Variants in RGL1 observed in about 807,000 individuals in gnomAD.
RGL1 encodes ral guanine nucleotide dissociation stimulator-like 1.
Under a neutral mutation model 95.2 loss-of-function variants are expected in RGL1, and 24 were observed. The ratio of observed to expected loss-of-function variants is 0.25; its 90% CI spans 0.18 to 0.35. RGL1 has a LOEUF of 0.35. Among genes scored for constraint, RGL1 ranks in the 10% least tolerant of loss-of-function variants. The probability of loss-of-function intolerance (pLI) is 1.00; values close to 1 mark genes in which losing one functional copy is unlikely to be tolerated. For missense variants in RGL1, 715 were observed against 936.3 expected, an observed-to-expected ratio of 0.76 and a Z score of 3.08; for synonymous variants, 329 against 344.9, an observed-to-expected ratio of 0.95 and a Z score of 0.51.
chr1:183,922,374 G>A, intron 17 of RGL1, 38 bp downstream of exon 17: 4 of 1,496,560 alleles, frequency 2.7e-6, no homozygotes, highest in Non-Finnish European at 3.7e-6. Flanking sequence ...TCCTTCCCAG[G>A]GCAGGTGGCT....
chr1:183,808,880 G>A (rs1307199249), intron 2 of RGL1, among the ~76,000 whole-genome samples: 4 of 152,006 alleles, frequency 2.6e-5, no homozygotes, highest in African/African-American at 9.7e-5. Flanking sequence ...GCTCTTTGTT[G>A]TGAAGAATTT....
rs912044837 is a variant in RGL1 at position 183,672,959 on chromosome 1, A to G, written c.-33+36458A>G. On this transcript the variant is annotated intron_variant, in intron 1 of 18. Coordinates refer to the RGL1 transcript ENST00000304685. ...GTGCATGTTTGTTACATAGGTAAAC[A>G]TGTGCCATGGTAGTTTGCTGCACAG... is the stretch of plus-strand genomic sequence containing the variant. Among the ~76,000 whole-genome samples, 3 of 152,232 alleles carry G rather than the reference A, an allele frequency of 2.0e-5. No individual in the cohort carries two copies. In the East Asian group the frequency reaches 5.8e-4, roughly 29 times the overall value.
chr1:183,687,157 AT>A (rs1324391149), intron 1 of RGL1, among the ~76,000 whole-genome samples: 6 of 151,694 alleles, frequency 4.0e-5, no homozygotes, highest in Non-Finnish European at 8.8e-5. Flanking sequence ...TTACCTTTTT[AT>A]TTTTTTCATT....
rs75448021 is a variant in RGL1, at chr1:183,670,402, A to G, written c.-33+33901A>G. ...TTTTATTTTGTGTCCCCCTGCTGGA[A>G]TCATAAGGGAATTTTTCTCTGATAT... On this transcript the variant is annotated intron_variant, in intron 1 of 18. Coordinates refer to the RGL1 transcript ENST00000304685. Among the ~76,000 whole-genome samples, 505 of 152,276 alleles carry G rather than the reference A, an allele frequency of 3.3e-3. 4 individuals carry two copies. The highest frequency in any genetic ancestry group is 6.1e-3 in the Non-Finnish European group (416 of 68,012).
At chr1:183,666,339 A>G (rs542563202) in intron 1 of RGL1, among the ~76,000 whole-genome samples, 5 of 151,292 alleles carry the variant, frequency 3.3e-5, no homozygotes, top group Admixed American at 2.6e-4. Flanking sequence ...TATGCATTTT[A>G]TATATATTTC....
Position 183,843,667 on chromosome 1 carries a change from A to G in RGL1, c.139-3899A>G, listed in dbSNP as rs141299720. Among the ~76,000 whole-genome samples the G allele has an allele frequency of 8.5e-3, 1,288 of 152,376 alleles. 8 individuals are homozygous for G. Among genetic ancestry groups the G allele is most frequent in the South Asian group, 0.016 (76 of 4,830 alleles). On this transcript the variant is annotated intron_variant, in intron 2 of 17. Coordinates refer to ENST00000360851, the MANE Select transcript of RGL1 (RefSeq NM_001297671.3). ...TAGAGTTTCCATTGTAAGTAAAATAAGAATCGTCAAATTTCAACATTGTTT... is the reference window on the plus strand; with the variant it reads ...TAGAGTTTCCATTGTAAGTAAAATAGGAATCGTCAAATTTCAACATTGTTT...
intron 5 of RGL1, among the ~76,000 whole-genome samples, chr1:183,882,522 A>G (rs1338825490): frequency 6.6e-6 from 1 of 152,192 alleles, no homozygotes; most frequent in East Asian, 1.9e-4. Flanking sequence ...ATTGCTTAAC[A>G]TCCTCCATGT....
At chr1:183,785,641 T>C (rs1036795878) in intron 2 of RGL1, among the ~76,000 whole-genome samples, 8 of 152,138 alleles carry the variant, frequency 5.3e-5, no homozygotes, top group Admixed American at 1.3e-4. Context: ...TATGAATGAA[T>C]GAATGGGGCA....
intron 2 of RGL1, among the ~76,000 whole-genome samples, chr1:183,816,113 C>T (rs1340150149): frequency 6.6e-6 from 1 of 152,194 alleles, no homozygotes; most frequent in Non-Finnish European, 1.5e-5. Flanking sequence ...TGGCTCCTTG[C>T]ATAATGAAAG....
chr1:183,836,108 G>A (rs1422552876), intron 2 of RGL1, among the ~76,000 whole-genome samples: 1 of 152,178 alleles, frequency 6.6e-6, no homozygotes, highest in Non-Finnish European at 1.5e-5. Flanking sequence ...TAAGGGTTGA[G>A]CATCTAATCC....
intron 2 of RGL1, among the ~76,000 whole-genome samples, chr1:183,819,580 T>C (rs1256271355): frequency 6.6e-6 from 1 of 152,196 alleles, no homozygotes. Flanking sequence ...AATTCTGTTT[T>C]TAGGTGCTTT....
intron 2 of RGL1, among the ~76,000 whole-genome samples, chr1:183,840,700 AAAATAAAT>A (rs141108304): frequency 6.6e-6 from 1 of 150,750 alleles, no homozygotes; most frequent in Non-Finnish European, 1.5e-5. Context: ...TTGTCTCTAA[AAAATAAAT>A]AAATAAATAA....
chr1:183,905,702 C>T (rs990377908), intron 13 of RGL1, among the ~76,000 whole-genome samples: 1 of 152,118 alleles, frequency 6.6e-6, no homozygotes, highest in Non-Finnish European at 1.5e-5. Context: ...AGTGCCCTGC[C>T]TGCTGGCTCA....
At chr1:183,795,610 G>C (rs1173131740) in intron 2 of RGL1, among the ~76,000 whole-genome samples, 1 of 152,192 alleles carries the variant, frequency 6.6e-6, no homozygotes, top group African/African-American at 2.4e-5. Flanking sequence ...GAAGAGGCAG[G>C]CAGGGGCTAA....
upstream of RGL1, chr1:183,805,019 G>A: frequency 6.0e-6 from 2 of 335,228 alleles, no homozygotes; most frequent in Non-Finnish European, 1.1e-5. Context: ...TGAAGAAAGG[G>A]AGAGTGTGCT....
At chr1:183,822,339 A>G (rs980619096) in intron 2 of RGL1, among the ~76,000 whole-genome samples, 2 of 105,904 alleles carry the variant, frequency 1.9e-5, no homozygotes, top group Admixed American at 1.0e-4. Context: ...ATTGCCCACA[A>G]AAGCCACCAA....
chr1:183,881,611 C>A (rs1341711185), intron 5 of RGL1, among the ~76,000 whole-genome samples: 3 of 152,130 alleles, frequency 2.0e-5, no homozygotes, highest in Admixed American at 1.3e-4. Context: ...ACAGGCATTA[C>A]CCTGAAGGGA....
At chr1:183,884,649 A>G (rs956725092) in intron 6 of RGL1, 74 bp from the exon 7 acceptor site, 3 of 1,278,768 alleles carry the variant, frequency 2.3e-6, no homozygotes, top group Non-Finnish European at 2.2e-6. Flanking sequence ...CCAATTTACA[A>G]ATGACCCAGA....
At chr1:183,851,964 G>A (rs542717372) in intron 3 of RGL1, among the ~76,000 whole-genome samples, 1 of 152,252 alleles carries the variant, frequency 6.6e-6, no homozygotes, top group East Asian at 1.9e-4. Context: ...GTAGATTGTG[G>A]TAGACTTGTT....
Sources: allele counts gnomAD v4.1 joint callset (sites outside exome capture counted in the v4.1 genomes callset), GRCh38; gene constraint gnomAD v4.1.1; transcripts MANE v1.5; gene names NCBI Gene and HGNC (gene_info 2026-07-23, HGNC 2026-07-21).